CCDC148: variants seen among roughly 807,000 people sequenced by gnomAD.
CCDC148 encodes coiled-coil domain-containing protein 148.
Under a neutral mutation model 85.7 loss-of-function variants are expected in CCDC148, and 89 were observed. The ratio of observed to expected loss-of-function variants is 1.04; its 90% CI spans 0.87 to 1.24. CCDC148 has a LOEUF of 1.24. CCDC148 is among the 50% of genes most tolerant of loss of function. The probability of loss-of-function intolerance (pLI) is 0.00; values close to 1 mark genes in which losing one functional copy is unlikely to be tolerated. For synonymous variants in CCDC148, 230 were observed against 213.9 expected (o/e 1.08, Z -0.66); for missense variants, 692 against 671.7 (o/e 1.03, Z -0.33).
At position 158,318,767 on chromosome 2, in the gene CCDC148, C is replaced by G. The variant is rs576283420; in HGVS notation, c.765-4873G>C. 2.1e-5 allele frequency among the ~76,000 whole-genome samples: 3 copies of G among 140,796 alleles called. No individual in the cohort carries two copies. In the East Asian group the frequency reaches 6.2e-4, roughly 29 times the overall value. 92.4% of individuals were successfully genotyped at this position (140,796 alleles called of 152,430 possible). On this transcript the variant is annotated intron_variant, in intron 7 of 13. Transcript: ENST00000283233. The stretch of plus-strand genomic sequence containing the variant: ...AAATAACATGACCGAGATAAAATAG[C>G]CTTTTACTGTTTTTTTTTTGGAGAC...
In CCDC148 at chr2:158,414,278, A is replaced by T. The variant is rs144701053; in HGVS notation, c.25+42137T>A. The stretch of plus-strand genomic sequence containing the variant: ...AAAGAAAAAAATAAATATCTCCACA[A>T]ATCTTACCAAACCAGAAACACTACT... On this transcript the variant is annotated intron_variant, in intron 1 of 13. Transcript: ENST00000283233. 2.6e-5 allele frequency among the ~76,000 whole-genome samples: 4 copies of T among 152,332 alleles called. No homozygotes were observed. The East Asian group carries it at 7.7e-4, about 29-fold the overall frequency.
rs201411437 is a variant in CCDC148, at chr2:158,331,511, T to C, written c.764+7215A>G. Among the ~76,000 whole-genome samples the C allele has an allele frequency of 4.1e-3, 619 of 152,314 alleles. 2 individuals are homozygous for C. The highest frequency in any genetic ancestry group is 0.035 in the East Asian group (182 of 5,182). Reference sequence around the variant, plus strand: ...GATTTGGGGTGGAGAGTTCTGTAGATGTCTATTATGTCCGCTTGGTGCAGA... The same window carrying C: ...GATTTGGGGTGGAGAGTTCTGTAGACGTCTATTATGTCCGCTTGGTGCAGA... On this transcript the variant is annotated intron_variant, in intron 7 of 13. Transcript: ENST00000283233.
intron 1 of CCDC148, among the ~76,000 whole-genome samples, chr2:158,370,830 T>C (rs1015437997): frequency 4.7e-5 from 7 of 149,568 alleles, no homozygotes; most frequent in African/African-American, 1.7e-4. Context: ...GAATAAACTA[T>C]ATAAGAAGTT....
intron 9 of CCDC148, among the ~76,000 whole-genome samples, chr2:158,308,693 T>A (rs935692264): frequency 6.6e-6 from 1 of 152,212 alleles, no homozygotes; most frequent in Non-Finnish European, 1.5e-5. Flanking sequence ...TTAATGGCCC[T>A]GGCCAACACT....
At chr2:158,338,575 C>A in intron 7 of CCDC148, 151 bp downstream of exon 7, 1 of 572,386 alleles carries the variant, frequency 1.7e-6, no homozygotes. Flanking sequence ...AAATAAAACC[C>A]TCTCTATTCA....
chr2:158,450,594 G>GT (rs1412897291), intron 1 of CCDC148, among the ~76,000 whole-genome samples: 3 of 152,140 alleles, frequency 2.0e-5, no homozygotes, highest in Non-Finnish European at 2.9e-5. Context: ...TTCTTGACAG[G>GT]TTTTTTCTTT....
intron 9 of CCDC148, among the ~76,000 whole-genome samples, chr2:158,290,296 T>C (rs1690828102): frequency 6.6e-6 from 1 of 152,132 alleles, no homozygotes; most frequent in African/African-American, 2.4e-5. Context: ...CAGTATACAA[T>C]CACATTTCAT....
chr2:158,320,548 T>C (rs1012133090), intron 7 of CCDC148, among the ~76,000 whole-genome samples: 2 of 152,226 alleles, frequency 1.3e-5, no homozygotes, highest in Non-Finnish European at 2.9e-5. Context: ...CTTCTCATGT[T>C]AAAATTTGAC....
intron 11 of CCDC148, among the ~76,000 whole-genome samples, chr2:158,208,325 A>G (rs561451138): frequency 6.8e-6 from 1 of 146,224 alleles, no homozygotes; most frequent in East Asian, 2.1e-4. Context: ...AAAGCTGTGA[A>G]CTGTAGAAGG....
intron 1 of CCDC148, chr2:158,366,008 A>G (rs1371420127): frequency 1.3e-6 from 2 of 1,523,420 alleles, no homozygotes; most frequent in Non-Finnish European, 8.8e-7. Context: ...GAAGTAAGAA[A>G]AATACCTGAG....
At chr2:158,228,543 G>T (rs1462085713) in intron 10 of CCDC148, among the ~76,000 whole-genome samples, 1 of 152,110 alleles carries the variant, frequency 6.6e-6, no homozygotes, top group African/African-American at 2.4e-5. Context: ...CAATAGCAAA[G>T]ACTTGGAACC....
At chr2:158,450,080 T>C (rs1324171169) in intron 1 of CCDC148, among the ~76,000 whole-genome samples, 2 of 152,106 alleles carry the variant, frequency 1.3e-5, no homozygotes, top group Non-Finnish European at 2.9e-5. Flanking sequence ...GTTGTCTTGC[T>C]GTCCTGATCC....
At chr2:158,434,040 G>A (rs897171009) in intron 1 of CCDC148, among the ~76,000 whole-genome samples, 3 of 152,134 alleles carry the variant, frequency 2.0e-5, no homozygotes, top group Non-Finnish European at 4.4e-5. Flanking sequence ...TCCACCTCTG[G>A]GGGCACAGCC....
chr2:158,376,397 A>G (rs1684651483), intron 1 of CCDC148, among the ~76,000 whole-genome samples: 1 of 152,070 alleles, frequency 6.6e-6, no homozygotes, highest in African/African-American at 2.4e-5. Context: ...ATGAAGGATC[A>G]GTTATGCAAG....
At chr2:158,434,091 C>T (rs549545487) in intron 1 of CCDC148, among the ~76,000 whole-genome samples, 2 of 152,302 alleles carry the variant, frequency 1.3e-5, no homozygotes, top group East Asian at 1.9e-4. Flanking sequence ...CAAACTTAAA[C>T]GTCCCTGTCT....
chr2:158,210,723 C>T (rs527572144), intron 11 of CCDC148, among the ~76,000 whole-genome samples: 23 of 145,228 alleles, frequency 1.6e-4, no homozygotes, highest in South Asian at 4.3e-4. Flanking sequence ...GCAGGCAGAT[C>T]ACGAGGTCAG....
chr2:158,238,988 G>A (rs1267351655), intron 10 of CCDC148, among the ~76,000 whole-genome samples: 1 of 152,088 alleles, frequency 6.6e-6, no homozygotes, highest in Non-Finnish European at 1.5e-5. Context: ...TGACTTTGGG[G>A]AAATTACATA....
intron 9 of CCDC148, among the ~76,000 whole-genome samples, chr2:158,278,955 A>G (rs938949731): frequency 1.3e-5 from 2 of 152,192 alleles, no homozygotes; most frequent in African/African-American, 4.8e-5. Flanking sequence ...ATCACACAGC[A>G]GCATTCATGG....
At chr2:158,318,517 T>C (rs4233675) in intron 7 of CCDC148, among the ~76,000 whole-genome samples, 152,299 of 152,344 alleles carry the variant, frequency 1, 76,127 homozygotes, top group Non-Finnish European at 1. Flanking sequence ...CCGGTCAGAA[T>C]AGGAGGCTAA....
Sources: gnomAD v4.1 joint callset for allele counts (sites outside exome capture counted in the v4.1 genomes callset) on GRCh38, gnomAD v4.1.1 for gene constraint, MANE v1.5 for transcripts, NCBI Gene and HGNC (gene_info 2026-07-23, HGNC 2026-07-21) for gene names.